The following TTLL7 variants were observed in gnomAD, a reference collection of about 807,000 sequenced individuals.
The protein encoded by TTLL7 is tubulin tyrosine ligase like 7.
A neutral mutation model predicts 120.2 loss-of-function variants in TTLL7; 53 were observed. The observed-to-expected ratio is 0.44, with a 90% CI of 0.35 to 0.55. TTLL7 has a LOEUF of 0.55. TTLL7 is among the 20% of genes least tolerant of loss of function. The pLI is 0.00. For synonymous variants in TTLL7, 353 were observed against 351.7 expected, an observed-to-expected ratio of 1.00 and a Z score of -0.04; for missense variants, 803 against 1,054.7, an observed-to-expected ratio of 0.76 and a Z score of 3.31.
intron 6 of TTLL7, 24 bp downstream of exon 6, chr1:83,947,100 T>C (rs774462010): frequency 2.5e-5 from 39 of 1,549,268 alleles, no homozygotes; most frequent in Non-Finnish European, 2.9e-5. Flanking sequence ...TATTTTTATA[T>C]ATTCCAAATA....
intron 20 of TTLL7, among the ~76,000 whole-genome samples, chr1:83,881,153 G>C (rs906319442): frequency 1.3e-5 from 2 of 151,346 alleles, no homozygotes; most frequent in Non-Finnish European, 3.0e-5. Flanking sequence ...AGAAAACCTA[G>C]GCAATACCAT....
chr1:83,979,920 C>T (rs1347323314), intron 1 of TTLL7: 5 of 152,242 alleles, frequency 3.3e-5, no homozygotes, highest in East Asian at 1.9e-4. Flanking sequence ...AAAAAAGACT[C>T]GAAAGATTTT....
chr1:83,952,309 A>C lies in TTLL7; in HGVS notation c.-98T>G. ...TAGTCTAAGTAGGATATGGCCCCAA[A>C]TCACTGAAAGTTCTTATCATATTAT... On this transcript the variant is annotated 5_prime_UTR_variant, in exon 2 of 21. Transcript: ENST00000260505. 3.9e-6 allele frequency: 5 copies of C among 1,271,400 alleles called. No homozygotes were observed. Among genetic ancestry groups the C allele is most frequent in the Non-Finnish European group, 5.6e-6 (5 of 898,880 alleles). The allele number at this position is 1,271,400 out of a possible 1,614,324, so 78.8% of individuals were successfully genotyped here. A position where few individuals can be genotyped will look rare whatever the true frequency, so the allele number is the denominator to read the frequency against.
At chr1:83,907,702 T>C (rs989304005) in intron 15 of TTLL7, 41 bp from the exon 16 acceptor site, 1 of 1,566,208 alleles carries the variant, frequency 6.4e-7, no homozygotes, top group Non-Finnish European at 8.7e-7. Context: ...GTAGCAGTAT[T>C]AATACAAGTT....
intron 8 of TTLL7, 112 bp downstream of exon 8, chr1:83,937,740 C>G: frequency 7.8e-7 from 1 of 1,276,414 alleles, no homozygotes; most frequent in Non-Finnish European, 1.1e-6. Context: ...CTGGTCCTCT[C>G]AATTATAGGG....
At position 83,869,730 on chromosome 1, in the gene TTLL7, G is replaced by A. The variant is rs960246123; in HGVS notation, c.*232C>T. 5.7e-5 allele frequency: 15 copies of A among 261,364 alleles called. No homozygotes were observed. Among genetic ancestry groups the A allele is most frequent in the Admixed American group, 1.1e-4 (2 of 18,200 alleles). 16.2% of individuals were successfully genotyped at this position (261,364 alleles called of 1,614,324 possible). On this transcript the variant is annotated 3_prime_UTR_variant, in exon 21 of 21. Transcript: ENST00000260505. ...AAACAATTTTAACATGGTTTATTAC[G>A]TTTCCAGAAAGGTTAAGTCTTATAT...
chr1:83,916,878 C>G (rs1658233474), intron 14 of TTLL7, among the ~76,000 whole-genome samples: 2 of 151,980 alleles, frequency 1.3e-5, no homozygotes, highest in African/African-American at 2.4e-5. Context: ...TCGCCTGAAA[C>G]CAGGGGTTCA....
At chr1:83,881,510 GAGAA>G (rs1229228854) in intron 20 of TTLL7, among the ~76,000 whole-genome samples, 1 of 152,166 alleles carries the variant, frequency 6.6e-6, no homozygotes, top group Non-Finnish European at 1.5e-5. Context: ...CTGGCCATCA[GAGAA>G]ATACAAATCA....
In TTLL7 at chr1:83,942,496, T is replaced by G; in HGVS notation, c.690A>C (p.Thr230=). 3 of 1,614,030 alleles carry G rather than the reference T, an allele frequency of 1.9e-6. No homozygotes were observed. Among genetic ancestry groups the G allele is most frequent in the Non-Finnish European group, 8.5e-7 (1 of 1,179,906 alleles). Residue 230 remains threonine (T), a synonymous_variant, in exon 7 of 21, where the codon ACA becomes ACC. Transcript: ENST00000260505. ...ACTCATTAGGTGGAATGTACTTCTCTGTACCCATTCGCACAAGCCCATCAT... is the reference window on the plus strand; with the variant it reads ...ACTCATTAGGTGGAATGTACTTCTCGGTACCCATTCGCACAAGCCCATCAT... ...LYHDGLVRMG[T]EKYIPPNESN...
At chr1:83,973,922 G>A (rs1030531406) in intron 1 of TTLL7, among the ~76,000 whole-genome samples, 11 of 152,020 alleles carry the variant, frequency 7.2e-5, no homozygotes, top group African/African-American at 2.6e-4. Flanking sequence ...CTGGGGTGCT[G>A]GAAATGTTCT....
chr1:83,904,057 A>G, intron 18 of TTLL7, 22 bp downstream of exon 18: 1 of 1,592,288 alleles, frequency 6.3e-7, no homozygotes, highest in South Asian at 1.1e-5. Flanking sequence ...GAGGGAAAAA[A>G]CTTGTTTTGA....
At chr1:83,992,109 A>C (rs1653057485) in intron 1 of TTLL7, among the ~76,000 whole-genome samples, 1 of 152,178 alleles carries the variant, frequency 6.6e-6, no homozygotes, top group Admixed American at 6.5e-5. Flanking sequence ...ACCCCATAAC[A>C]TATGTAGCAG....
chr1:83,898,878 C>A (rs1402713962), intron 18 of TTLL7, among the ~76,000 whole-genome samples: 1 of 151,656 alleles, frequency 6.6e-6, no homozygotes, highest in Non-Finnish European at 1.5e-5. Context: ...ATGCTACTTA[C>A]TAAGTAGAAA....
rs749610474 is a variant in TTLL7 at position 83,911,189 on chromosome 1, G to C, written c.1762C>G (p.His588Asp). The change falls in exon 15 of 21, where the codon CAC becomes GAC. Residue 588 changes from histidine to aspartate, a missense_variant. By Grantham distance (81) the His-to-Asp change is moderately conservative. Around this residue, in one of 3 missense-constraint regions of TTLL7, gnomAD observed 388 missense variants for 450.4 expected, o/e 0.86. Coordinates refer to ENST00000260505, the MANE Select transcript of TTLL7 (RefSeq NM_024686.6). ...QVTYNLKPSN[H>D]YKLIQQPSSI... The stretch of plus-strand genomic sequence containing the variant: ...CTGGGTTGTTGAATTAATTTGTAGT[G>C]GTTGGAGGGTTTAAGATTATATGTA... The C allele has an allele frequency of 6.2e-7, 1 of 1,611,088 alleles. No individual in the cohort carries two copies. Among genetic ancestry groups the C allele is most frequent in the East Asian group, 2.2e-5 (1 of 44,824 alleles).
chr1:83,945,613 G>A (rs1447901065), intron 6 of TTLL7, among the ~76,000 whole-genome samples: 1 of 152,070 alleles, frequency 6.6e-6, no homozygotes, highest in African/African-American at 2.4e-5. Context: ...TCTTTACGTA[G>A]GTACTACTGC....
At chr1:83,977,396 A>G (rs1240414518) in intron 1 of TTLL7, among the ~76,000 whole-genome samples, 1 of 152,170 alleles carries the variant, frequency 6.6e-6, no homozygotes, top group Non-Finnish European at 1.5e-5. Flanking sequence ...GTTAACCTTC[A>G]ATATTTCTAG....
intron 19 of TTLL7, among the ~76,000 whole-genome samples, chr1:83,885,690 G>A (rs1420353157): frequency 1.3e-5 from 2 of 151,954 alleles, no homozygotes; most frequent in African/African-American, 4.8e-5. Flanking sequence ...TAGGGCAGTG[G>A]GTGCCCCCTC....
chr1:83,865,469 G>A lies in TTLL7; in HGVS notation c.*4493C>T, dbSNP rs199682369. On this transcript the variant is annotated 3_prime_UTR_variant, in exon 21 of 21. Coordinates refer to ENST00000260505, the MANE Select transcript of TTLL7 (RefSeq NM_024686.6). ...TGATTGTACCTGTAGATAATACAGC[G>A]CAGTTAATGTAGAATGTGTAACTTG... 2 of 152,006 alleles carry A rather than the reference G, an allele frequency of 1.3e-5. No homozygotes were observed. Among genetic ancestry groups the A allele is most frequent in the South Asian group, 2.1e-4 (1 of 4,818 alleles). The allele number at this position is 152,006 out of a possible 1,614,324, so 9.4% of individuals were successfully genotyped here.
chr1:83,904,502 G>T (rs996831010), intron 17 of TTLL7, among the ~76,000 whole-genome samples: 1 of 152,084 alleles, frequency 6.6e-6, no homozygotes, highest in African/African-American at 2.4e-5. Flanking sequence ...GGGTGTGGTA[G>T]TGCATGCCTG....
Sources: gnomAD v4.1 joint callset for allele counts (sites outside exome capture counted in the v4.1 genomes callset) on GRCh38, gnomAD v4.1.1 for gene constraint, gnomAD v4.1.1 regional missense constraint, MANE v1.5 for transcripts, NCBI Gene and HGNC (gene_info 2026-07-23, HGNC 2026-07-21) for gene names.